Variants in PRKCA observed in about 807,000 individuals in gnomAD.
The protein encoded by PRKCA is protein kinase C alpha, also known as protein kinase C alpha type.
In PRKCA, 27 loss-of-function variants were observed where a neutral mutation model predicts 87.0. The ratio of observed to expected loss-of-function variants is 0.31; its 90% CI spans 0.23 to 0.43. The LOEUF is 0.43. Among genes scored for constraint, PRKCA ranks in the 20% least tolerant of loss-of-function variants. The probability of loss-of-function intolerance (pLI) is 1.00; values close to 1 mark genes in which losing one functional copy is unlikely to be tolerated. For synonymous variants in PRKCA, 329 were observed against 311.1 expected, an observed-to-expected ratio of 1.06 and a Z score of -0.61; for missense variants, 518 against 852.3, an observed-to-expected ratio of 0.61 and a Z score of 4.88.
At chr17:66,658,636 A>G (rs9910663) in intron 5 of PRKCA, among the ~76,000 whole-genome samples, 87,326 of 152,070 alleles carry the variant, frequency 0.57, 25,414 homozygotes, top group African/African-American at 0.69. Context: ...TATGGCGTTG[A>G]CTTTGAAGTC....
In PRKCA at chr17:66,496,323, T is replaced by C. The variant is rs563427032; in HGVS notation, c.288+40T>C. 1.9e-6 allele frequency: 3 copies of C among 1,543,110 alleles called. No individual in the cohort carries two copies. The South Asian group carries it at 3.4e-5, about 18-fold the overall frequency. Reference sequence around the variant, plus strand: ...AATCATGATTTGATGTCAATGTGGATTTCTGAGCTTTAATTTTTTTAACGC... The same window carrying C: ...AATCATGATTTGATGTCAATGTGGACTTCTGAGCTTTAATTTTTTTAACGC... On this transcript the variant is annotated intron_variant, in intron 3 of 16. Coordinates refer to ENST00000413366, the MANE Select transcript of PRKCA (RefSeq NM_002737.3).
At chr17:66,357,057 G>A (rs1458466309) in intron 2 of PRKCA, among the ~76,000 whole-genome samples, 1 of 152,228 alleles carries the variant, frequency 6.6e-6, no homozygotes, top group Non-Finnish European at 1.5e-5. Flanking sequence ...ACCACGCCCA[G>A]CCAAAATGAA....
rs563977970 is a variant in PRKCA, at chr17:66,792,229, C to G, written c.1854+3250C>G. Among the ~76,000 whole-genome samples, 7 of 152,326 alleles carry G rather than the reference C, an allele frequency of 4.6e-5. No individual in the cohort carries two copies. Among genetic ancestry groups the G allele is most frequent in the African/African-American group, 1.7e-4 (7 of 41,560 alleles). On this transcript the variant is annotated intron_variant, in intron 16 of 16. Transcript: ENST00000413366. This position sits in a 1 kb window ranked among gnomAD's most constrained non-coding sequence, Gnocchi z 4.5. ...GTAGCTGTTCTCACGTGCGGTGATG[C>G]TCCTGGCTCCCATGGAATTAAACCT...
chr17:66,748,464 A>G (rs908283465), intron 13 of PRKCA, among the ~76,000 whole-genome samples: 2 of 152,190 alleles, frequency 1.3e-5, no homozygotes, highest in African/African-American at 4.8e-5. Context: ...AGACCAAAGG[A>G]TGTCCATAGA....
intron 2 of PRKCA, among the ~76,000 whole-genome samples, chr17:66,476,611 G>A (rs1915546389): frequency 6.6e-6 from 1 of 152,166 alleles, no homozygotes; most frequent in South Asian, 2.1e-4. Context: ...TTCTTTGTAT[G>A]TTTTCTCTTT....
chr17:66,680,860 A>T (rs1210439063), intron 5 of PRKCA, among the ~76,000 whole-genome samples: 1 of 152,176 alleles, frequency 6.6e-6, no homozygotes, highest in East Asian at 1.9e-4. Flanking sequence ...TCTAGCTTTT[A>T]TGCAAGGCAG....
At chr17:66,535,048 C>A (rs185724712) in intron 3 of PRKCA, among the ~76,000 whole-genome samples, 1 of 152,334 alleles carries the variant, frequency 6.6e-6, no homozygotes, top group East Asian at 1.9e-4. Flanking sequence ...GTTCTCAGCA[C>A]TTCATGTGAA....
intron 8 of PRKCA, among the ~76,000 whole-genome samples, chr17:66,729,255 T>G (rs1018305534): frequency 6.6e-6 from 1 of 151,886 alleles, no homozygotes; most frequent in Non-Finnish European, 1.5e-5. Flanking sequence ...TAAAAAAAAA[T>G]TAGCTTGGTT....
At chr17:66,441,823 T>C (rs910299337) in intron 2 of PRKCA, among the ~76,000 whole-genome samples, 1 of 152,194 alleles carries the variant, frequency 6.6e-6, no homozygotes, top group South Asian at 2.1e-4. Flanking sequence ...CTATGACGTA[T>C]GTATATTTAT....
chr17:66,507,737 G>A (rs1256182308), intron 3 of PRKCA, among the ~76,000 whole-genome samples: 1 of 152,204 alleles, frequency 6.6e-6, no homozygotes, highest in Non-Finnish European at 1.5e-5. Flanking sequence ...TAAGCTGAAA[G>A]CCAGCCCAGA....
At chr17:66,787,801 G>C (rs1181627717) in intron 15 of PRKCA, among the ~76,000 whole-genome samples, 1 of 152,124 alleles carries the variant, frequency 6.6e-6, no homozygotes, top group Non-Finnish European at 1.5e-5. Flanking sequence ...ACCTTACAGT[G>C]TTGCTCCTGG....
At chr17:66,471,058 G>T (rs1915304472) in intron 2 of PRKCA, among the ~76,000 whole-genome samples, 1 of 150,256 alleles carries the variant, frequency 6.7e-6, no homozygotes, top group African/African-American at 2.5e-5. Context: ...TGCTCTGCAA[G>T]TTGCATGAGA....
intron 2 of PRKCA, among the ~76,000 whole-genome samples, chr17:66,379,140 G>C (rs770348402): frequency 3.3e-5 from 5 of 152,114 alleles, no homozygotes; most frequent in African/African-American, 4.8e-5. Flanking sequence ...TTTTGTGGAC[G>C]TGTGTGTTCA....
At chr17:66,713,463 C>G (rs1014731730) in intron 8 of PRKCA, among the ~76,000 whole-genome samples, 11 of 152,178 alleles carry the variant, frequency 7.2e-5, no homozygotes, top group Admixed American at 2.0e-4. Context: ...CCTACTCCCA[C>G]CTGCAGCAGT....
rs114414407 is a variant in PRKCA at position 66,460,282 on chromosome 17, G to A, written c.206-35919G>A. 5.3e-3 allele frequency among the ~76,000 whole-genome samples: 800 copies of A among 152,170 alleles called. 6 individuals carry two copies. Among genetic ancestry groups the A allele is most frequent in the African/African-American group, 0.018 (748 of 41,510 alleles). On this transcript the variant is annotated intron_variant, in intron 2 of 16. Transcript: ENST00000413366. ...GTGTATGATCCATATGGCTGAAGTC[G>A]TGGTTCTTACTATTACTATATGATT...
At chr17:66,365,281 C>T (rs567967916) in intron 2 of PRKCA, among the ~76,000 whole-genome samples, 2 of 152,022 alleles carry the variant, frequency 1.3e-5, no homozygotes, top group Non-Finnish European at 2.9e-5. Context: ...GATAATGAGT[C>T]TTGGTATTAA....
intron 2 of PRKCA, among the ~76,000 whole-genome samples, chr17:66,475,489 A>G (rs547709079): frequency 6.6e-6 from 1 of 152,130 alleles, no homozygotes; most frequent in South Asian, 2.1e-4. Flanking sequence ...AGCTTGGTCC[A>G]GTTTTGGATT....
At chr17:66,453,619 C>T (rs1914438469) in intron 2 of PRKCA, among the ~76,000 whole-genome samples, 1 of 152,086 alleles carries the variant, frequency 6.6e-6, no homozygotes, top group Non-Finnish European at 1.5e-5. Flanking sequence ...CGCCCAGCCC[C>T]CCTGATCTTT....
chr17:66,608,254 T>C (rs999488688), intron 3 of PRKCA, among the ~76,000 whole-genome samples: 2 of 152,088 alleles, frequency 1.3e-5, no homozygotes, highest in African/African-American at 4.8e-5. Flanking sequence ...ACTTACCTAA[T>C]CATCACTTTG....
Sources: gnomAD v4.1 joint callset for allele counts (sites outside exome capture counted in the v4.1 genomes callset) on GRCh38, gnomAD v4.1.1 for gene constraint, Gnocchi (gnomAD v3.1) non-coding constraint, MANE v1.5 for transcripts, NCBI Gene and HGNC (gene_info 2026-07-23, HGNC 2026-07-21) for gene names.